The following LHFPL2 variants were observed in gnomAD, a reference collection of about 807,000 sequenced individuals.
LHFPL2 encodes the protein LHFPL tetraspan subfamily member 2.
In LHFPL2, 7 loss-of-function variants were observed where a neutral mutation model predicts 17.5. The ratio of observed to expected loss-of-function variants is 0.40; its 90% CI spans 0.23 to 0.75. LHFPL2 has a LOEUF of 0.75. LHFPL2 is among the 30% of genes least tolerant of loss of function. The probability of loss-of-function intolerance (pLI) is 0.37; values close to 1 mark genes in which losing one functional copy is unlikely to be tolerated. For synonymous variants in LHFPL2, 134 were observed against 116.2 expected (o/e 1.15, Z -0.99); for missense variants, 241 against 294.8 (o/e 0.82, Z 1.34).
chr5:78,545,763 C>G (rs536003816), intron 3 of LHFPL2, among the ~76,000 whole-genome samples: 2 of 152,346 alleles, frequency 1.3e-5, no homozygotes, highest in Non-Finnish European at 1.5e-5. Context: ...ACAGAGTCAA[C>G]TGACCGAAGA....
intron 2 of LHFPL2, among the ~76,000 whole-genome samples, chr5:78,579,206 G>C (rs1046332706): frequency 6.6e-6 from 1 of 152,142 alleles, no homozygotes; most frequent in East Asian, 1.9e-4. Flanking sequence ...TATTGTTAAA[G>C]TCTGGCCATT....
chr5:78,592,794 C>T (rs1743689371), intron 2 of LHFPL2, among the ~76,000 whole-genome samples: 2 of 151,662 alleles, frequency 1.3e-5, no homozygotes, highest in South Asian at 4.2e-4. Context: ...TACACACACA[C>T]ACACACACAA....
chr5:78,505,877 C>G (rs1754917170), intron 4 of LHFPL2, among the ~76,000 whole-genome samples: 1 of 152,196 alleles, frequency 6.6e-6, no homozygotes, highest in Admixed American at 6.5e-5. Context: ...AGGTATAAAC[C>G]TATTGTTATG....
intron 2 of LHFPL2, among the ~76,000 whole-genome samples, chr5:78,583,615 C>A (rs1358731410): frequency 5.3e-5 from 8 of 152,072 alleles, no homozygotes; most frequent in Admixed American, 6.5e-5. Flanking sequence ...TTGGCCCCCA[C>A]TCTCTTCTGG....
At chr5:78,501,494 CTATT>C (rs1276174740) in intron 4 of LHFPL2, among the ~76,000 whole-genome samples, 1 of 152,074 alleles carries the variant, frequency 6.6e-6, no homozygotes, top group African/African-American at 2.4e-5. Flanking sequence ...TCTAAGAAGC[CTATT>C]TATTTACTGT....
At chr5:78,608,249 A>G (rs1744294723) in intron 2 of LHFPL2, among the ~76,000 whole-genome samples, 1 of 152,246 alleles carries the variant, frequency 6.6e-6, no homozygotes, top group South Asian at 2.1e-4. Context: ...TGAAGATTAT[A>G]CCTTCAAATA....
At chr5:78,618,737 C>T (rs1243285620) in intron 2 of LHFPL2, among the ~76,000 whole-genome samples, 1 of 152,088 alleles carries the variant, frequency 6.6e-6, no homozygotes, top group Non-Finnish European at 1.5e-5. Flanking sequence ...GGAGAGGGAC[C>T]CTGTTTTAAA....
In LHFPL2 at chr5:78,493,803, A is replaced by G. The variant is rs140487614; in HGVS notation, c.431-4650T>C. 4.2e-4 allele frequency among the ~76,000 whole-genome samples: 64 copies of G among 152,316 alleles called. 1 individual carries two copies. The highest frequency in any genetic ancestry group is 1.5e-3 in the African/African-American group (62 of 41,554). On this transcript the variant is annotated intron_variant, in intron 4 of 4. Transcript: ENST00000380345. ...ATTCCAAATGGGCTTGATACTAATA[A>G]AACAATTAAAATCAATAACTTCTTC...
At chr5:78,618,524 G>A (rs960205403) in intron 2 of LHFPL2, among the ~76,000 whole-genome samples, 13 of 152,192 alleles carry the variant, frequency 8.5e-5, no homozygotes, top group Non-Finnish European at 1.3e-4. Flanking sequence ...ATCCACTGAA[G>A]CGCCCAGATA....
At chr5:78,584,570 G>A (rs1237738765) in intron 2 of LHFPL2, among the ~76,000 whole-genome samples, 1 of 152,154 alleles carries the variant, frequency 6.6e-6, no homozygotes, top group Non-Finnish European at 1.5e-5. Flanking sequence ...CCCCTGCTGG[G>A]GGGGTGCCTC....
chr5:78,569,777 C>G (rs1238356787), intron 2 of LHFPL2, among the ~76,000 whole-genome samples: 1 of 152,166 alleles, frequency 6.6e-6, no homozygotes. Context: ...GACTGAGGTT[C>G]AAGTTTCCAA....
At chr5:78,542,919 G>C (rs1310321305) in intron 3 of LHFPL2, among the ~76,000 whole-genome samples, 2 of 152,166 alleles carry the variant, frequency 1.3e-5, no homozygotes, top group African/African-American at 2.4e-5. Flanking sequence ...CAGATAGTGA[G>C]GGTAAAAGAG....
At chr5:78,602,326 C>T (rs1314932436) in intron 2 of LHFPL2, among the ~76,000 whole-genome samples, 3 of 152,120 alleles carry the variant, frequency 2.0e-5, no homozygotes, top group Non-Finnish European at 4.4e-5. Context: ...ATGAAAGATG[C>T]AGTATTTGCA....
intron 2 of LHFPL2, among the ~76,000 whole-genome samples, chr5:78,628,207 G>C (rs1745118901): frequency 6.6e-6 from 1 of 152,148 alleles, no homozygotes; most frequent in Non-Finnish European, 1.5e-5. Flanking sequence ...CCTCAAAAGG[G>C]CTAATGAAAT....
At chr5:78,624,264 C>G (rs1407987377) in intron 2 of LHFPL2, among the ~76,000 whole-genome samples, 2 of 152,168 alleles carry the variant, frequency 1.3e-5, no homozygotes, top group Non-Finnish European at 2.9e-5. Flanking sequence ...GGCTGTCTGC[C>G]ACACATCCCC....
In LHFPL2 at chr5:78,580,306, A is replaced by T. The variant is rs1049653110; in HGVS notation, c.-244-15435T>A. Among the ~76,000 whole-genome samples the T allele has an allele frequency of 2.8e-4, 42 of 152,212 alleles. 1 individual carries two copies. The highest frequency in any genetic ancestry group is 8.3e-4 in the South Asian group (4 of 4,822). The stretch of plus-strand genomic sequence containing the variant: ...CCCATTTTGTAGGTTGCCTGTTCAC[A>T]CTGATGGTAATTTCTTTTGCCGTGC... On this transcript the variant is annotated intron_variant, in intron 2 of 4. Coordinates refer to ENST00000380345, the MANE Select transcript of LHFPL2 (RefSeq NM_005779.3).
At chr5:78,605,755 A>C (rs74646357) in intron 2 of LHFPL2, among the ~76,000 whole-genome samples, 3,131 of 152,250 alleles carry the variant, frequency 0.021, 104 homozygotes, top group African/African-American at 0.072. Flanking sequence ...TTTTGGATTA[A>C]TCATCTCTCC....
intron 4 of LHFPL2, among the ~76,000 whole-genome samples, chr5:78,502,405 A>C (rs1754801008): frequency 6.6e-6 from 1 of 152,208 alleles, no homozygotes; most frequent in African/African-American, 2.4e-5. Context: ...TAAAGCCTTA[A>C]CTCTAGAACG....
chr5:78,525,966 C>T (rs558256778), intron 3 of LHFPL2, among the ~76,000 whole-genome samples: 2 of 152,334 alleles, frequency 1.3e-5, no homozygotes, highest in South Asian at 2.1e-4. Flanking sequence ...CTTCCAGCTT[C>T]TTCCTATCTG....
Sources: gnomAD v4.1 joint callset for allele counts (sites outside exome capture counted in the v4.1 genomes callset) on GRCh38, gnomAD v4.1.1 for gene constraint, MANE v1.5 for transcripts, NCBI Gene and HGNC (gene_info 2026-07-23, HGNC 2026-07-21) for gene names.